The following DPP6 variants were observed in gnomAD, a reference collection of about 807,000 sequenced individuals.
The protein encoded by DPP6 is A-type potassium channel modulatory protein DPP6.
A neutral mutation model predicts 122.6 loss-of-function variants in DPP6; 69 were observed. That is an observed-to-expected ratio of 0.56 (90% CI 0.46 to 0.69). DPP6 has a LOEUF of 0.69. Among genes scored for constraint, DPP6 ranks in the 30% least tolerant of loss-of-function variants. The pLI is 0.00. For synonymous variants in DPP6, 418 were observed against 433.1 expected, an observed-to-expected ratio of 0.97 and a Z score of 0.43; for missense variants, 928 against 1,116.9, an observed-to-expected ratio of 0.83 and a Z score of 2.41.
At chr7:153,809,431 C>T in the DPP6 span, among the ~76,000 whole-genome samples, 4 of 152,104 alleles carry the variant, frequency 2.6e-5, no homozygotes, top group Non-Finnish European at 4.4e-5. Flanking sequence ...ATGCTCAAAG[C>T]GGGATTGATG....
intron 1 of DPP6, among the ~76,000 whole-genome samples, chr7:154,279,494 C>T (rs529063018): frequency 6.6e-6 from 1 of 152,222 alleles, no homozygotes. Flanking sequence ...GTGTCACTTG[C>T]TGGAACATAG....
At chr7:153,849,613 CTGGAAA>C in the DPP6 span, among the ~76,000 whole-genome samples, 141 of 152,238 alleles carry the variant, frequency 9.3e-4, 1 homozygote, top group African/African-American at 3.3e-3. Flanking sequence ...AGCAATTTTT[CTGGAAA>C]TGGAAGTTTT....
chr7:153,960,669 GTGTA>G (rs1795305799), intron 1 of DPP6, among the ~76,000 whole-genome samples: 1 of 91,942 alleles, frequency 1.1e-5, no homozygotes, highest in Non-Finnish European at 2.3e-5. Flanking sequence ...GTGTGCGGGT[GTGTA>G]TGTGTGTACA....
At chr7:154,368,261 T>C (rs1812351933) in intron 1 of DPP6, among the ~76,000 whole-genome samples, 1 of 152,206 alleles carries the variant, frequency 6.6e-6, no homozygotes, top group African/African-American at 2.4e-5. Flanking sequence ...AGTACGAGCC[T>C]CCTGGCTCCC....
intron 1 of DPP6, among the ~76,000 whole-genome samples, chr7:154,399,191 C>G (rs1391726779): frequency 6.6e-6 from 1 of 152,182 alleles, no homozygotes; most frequent in South Asian, 2.1e-4. Context: ...TCACCACCTT[C>G]CTTTTTTAAA....
In DPP6 at chr7:154,780,621, T is replaced by C. The variant is rs534352913; in HGVS notation, c.1136+7679T>C. Among the ~76,000 whole-genome samples the C allele has an allele frequency of 8.9e-4, 136 of 152,360 alleles. No individual in the cohort carries two copies. In the South Asian group the frequency reaches 0.012, roughly 13 times the overall value. Reference sequence around the variant, plus strand: ...TGCCAAGGCAGAGTCACTGGGCTGGTGAGCCAGTGCTGGTAAACTCCAAGG... The same window carrying C: ...TGCCAAGGCAGAGTCACTGGGCTGGCGAGCCAGTGCTGGTAAACTCCAAGG... On this transcript the variant is annotated intron_variant, in intron 10 of 25. Transcript: ENST00000377770.
intron 5 of DPP6, among the ~76,000 whole-genome samples, chr7:154,619,796 A>G (rs545566132): frequency 2.0e-5 from 3 of 152,246 alleles, no homozygotes; most frequent in Non-Finnish European, 4.4e-5. Context: ...TAGAATCACT[A>G]TACAGAATCC....
At chr7:154,305,696 A>G in intron 1 of DPP6, 1 of 1,215,358 alleles carries the variant, frequency 8.2e-7, no homozygotes, top group Admixed American at 2.2e-5. Flanking sequence ...TTATGACTGT[A>G]GCCCCCTGAG....
chr7:154,568,556 T>C (rs1830911179), intron 5 of DPP6, among the ~76,000 whole-genome samples: 1 of 152,126 alleles, frequency 6.6e-6, no homozygotes, highest in Admixed American at 6.5e-5. Context: ...GTGCTGTGGT[T>C]CTGTGCATGA....
intron 22 of DPP6, among the ~76,000 whole-genome samples, chr7:154,886,075 C>G (rs1806124276): frequency 6.6e-6 from 1 of 152,218 alleles, no homozygotes; most frequent in Non-Finnish European, 1.5e-5. Context: ...TGCCACAGGC[C>G]CTGCCGGGCC....
At chr7:154,789,650 T>C (rs1797551866) in intron 10 of DPP6, among the ~76,000 whole-genome samples, 1 of 152,220 alleles carries the variant, frequency 6.6e-6, no homozygotes, top group Admixed American at 6.5e-5. Flanking sequence ...TGGAGACCTC[T>C]GTCTGGAGAG....
At position 154,790,979 on chromosome 7, in the gene DPP6, C is replaced by G. The variant is rs567937718; in HGVS notation, c.1137-3100C>G. On this transcript the variant is annotated intron_variant, in intron 10 of 25. Coordinates refer to ENST00000377770, the MANE Select transcript of DPP6 (RefSeq NM_130797.4). ...ATAAACACATACTTGAGGCTGGGCA[C>G]GGTGGTCCATGCCTGTAGTCCCAGC... Among the ~76,000 whole-genome samples, 18 of 152,186 alleles carry G rather than the reference C, an allele frequency of 1.2e-4. No individual in the cohort carries two copies. The South Asian group carries it at 2.1e-3, about 18-fold the overall frequency.
intron 1 of DPP6, among the ~76,000 whole-genome samples, chr7:154,091,388 C>T (rs1022554551): frequency 2.0e-5 from 3 of 152,144 alleles, no homozygotes; most frequent in Admixed American, 2.0e-4. Flanking sequence ...AGACTTATAG[C>T]TTCTCATAGC....
intron 3 of DPP6, among the ~76,000 whole-genome samples, chr7:154,484,712 C>T (rs983129449): frequency 6.6e-6 from 1 of 152,234 alleles, no homozygotes; most frequent in East Asian, 1.9e-4. Context: ...TTTGTTTACG[C>T]TCATTTTCAT....
At chr7:154,682,489 G>T (rs528402186) in intron 7 of DPP6, among the ~76,000 whole-genome samples, 4 of 152,344 alleles carry the variant, frequency 2.6e-5, no homozygotes, top group East Asian at 1.9e-4. Flanking sequence ...TGAAATTGGG[G>T]TCGGCCCTCA....
At chr7:154,572,495 C>CT (rs1411417129) in intron 5 of DPP6, among the ~76,000 whole-genome samples, 6 of 100,718 alleles carry the variant, frequency 6.0e-5, no homozygotes, top group African/African-American at 1.1e-4. Context: ...ATATGAGTTT[C>CT]TTTTTTTTTC....
At chr7:153,979,188 T>C (rs1796454862) in intron 1 of DPP6, among the ~76,000 whole-genome samples, 1 of 152,096 alleles carries the variant, frequency 6.6e-6, no homozygotes, top group Non-Finnish European at 1.5e-5. Context: ...ATGGAATGTT[T>C]TTCCATTTGT....
intron 8 of DPP6, among the ~76,000 whole-genome samples, chr7:154,742,059 G>A (rs1315731412): frequency 1.3e-5 from 2 of 152,220 alleles, no homozygotes; most frequent in African/African-American, 2.4e-5. Flanking sequence ...ACTATGGATT[G>A]CAGTGCCCCA....
At chr7:154,593,518 A>G (rs1586700859) in intron 5 of DPP6, among the ~76,000 whole-genome samples, 1 of 152,344 alleles carries the variant, frequency 6.6e-6, no homozygotes, top group Middle Eastern at 3.4e-3. Flanking sequence ...AACTCTGGCA[A>G]GCTCTTTATT....
Sources: gnomAD v4.1 joint callset for allele counts (sites outside exome capture counted in the v4.1 genomes callset) on GRCh38, gnomAD v4.1.1 for gene constraint, MANE v1.5 for transcripts, NCBI Gene and HGNC (gene_info 2026-07-23, HGNC 2026-07-21) for gene names.